NR2F1-AS1: variants seen among roughly 807,000 people sequenced by gnomAD.
NR2F1-AS1 encodes the protein NR2F1 antisense RNA 1.
At chr5:93,569,701 A>G (rs1752699867) in intron 1 of NR2F1-AS1, among the ~76,000 whole-genome samples, 1 of 152,232 alleles carries the variant, frequency 6.6e-6, no homozygotes, top group African/African-American at 2.4e-5. Context: ...GACTTCACCT[A>G]TGTTATTACC....
intron 4 of NR2F1-AS1, chr5:93,542,750 G>A (rs553966204): frequency 2.0e-5 from 3 of 152,290 alleles, no homozygotes; most frequent in African/African-American, 7.2e-5. Context: ...TTGCCTGTTG[G>A]CAAATTTAAG....
At chr5:93,444,768 C>T (rs1749658852) in intron 4 of NR2F1-AS1, among the ~76,000 whole-genome samples, 3 of 152,196 alleles carry the variant, frequency 2.0e-5, no homozygotes, top group Non-Finnish European at 4.4e-5. Flanking sequence ...CACCACATCG[C>T]ACTTATACCA....
chr5:93,417,781 CATGTACAAGAT>C (rs1259069628), intron 4 of NR2F1-AS1, among the ~76,000 whole-genome samples: 1 of 152,174 alleles, frequency 6.6e-6, no homozygotes, highest in Non-Finnish European at 1.5e-5. Context: ...GAGTGGGAAA[CATGTACAAGAT>C]ATGACAGTGA....
chr5:93,415,010 C>A (rs1238932533), intron 4 of NR2F1-AS1, among the ~76,000 whole-genome samples: 1 of 152,130 alleles, frequency 6.6e-6, no homozygotes, highest in East Asian at 1.9e-4. Flanking sequence ...CCAGGGGTAG[C>A]AGAGGTTATC....
chr5:93,548,238 T>C (rs564725989), intron 4 of NR2F1-AS1, among the ~76,000 whole-genome samples: 2 of 152,294 alleles, frequency 1.3e-5, no homozygotes, highest in African/African-American at 2.4e-5. Context: ...CCTAGCAATC[T>C]ATTTAATCAA....
chr5:93,504,705 C>A (rs1217953618), intron 4 of NR2F1-AS1, among the ~76,000 whole-genome samples: 4 of 152,076 alleles, frequency 2.6e-5, no homozygotes, highest in Non-Finnish European at 4.4e-5. Context: ...CCCTGATAAA[C>A]CCATCAGATC....
At chr5:93,550,305 G>A (rs1430898785) in intron 4 of NR2F1-AS1, among the ~76,000 whole-genome samples, 1 of 152,032 alleles carries the variant, frequency 6.6e-6, no homozygotes, top group Non-Finnish European at 1.5e-5. Context: ...TCGGTTTAAC[G>A]AATGGAAATA....
chr5:93,507,634 A>G (rs2149889167), intron 4 of NR2F1-AS1, among the ~76,000 whole-genome samples: 1 of 152,340 alleles, frequency 6.6e-6, no homozygotes, highest in East Asian at 1.9e-4. Context: ...CTGGGATTAC[A>G]GGCATGAAAC....
chr5:93,422,020 T>C (rs761407951), intron 4 of NR2F1-AS1, among the ~76,000 whole-genome samples: 9 of 152,180 alleles, frequency 5.9e-5, no homozygotes, highest in Non-Finnish European at 1.3e-4. Flanking sequence ...GATATCACAA[T>C]TCAAATCTAA....
upstream of NR2F1-AS1, among the ~76,000 whole-genome samples, chr5:93,582,109 C>A: frequency 7.3e-6 from 1 of 137,554 alleles, no homozygotes; most frequent in Non-Finnish European, 1.5e-5. Flanking sequence ...TTTTCTCTCT[C>A]CCTCTCCGCC....
chr5:93,582,415 T>C (rs1753124123), upstream of NR2F1-AS1, among the ~76,000 whole-genome samples: 1 of 152,142 alleles, frequency 6.6e-6, no homozygotes, highest in Non-Finnish European at 1.5e-5. Flanking sequence ...TTGTCATCAT[T>C]AAACCTTTTA....
intron 4 of NR2F1-AS1, among the ~76,000 whole-genome samples, chr5:93,551,022 C>G (rs1752214786): frequency 6.6e-6 from 1 of 150,720 alleles, no homozygotes; most frequent in Admixed American, 6.6e-5. Flanking sequence ...CATTTTTGAT[C>G]ACTGTTTCTC....
chr5:93,507,908 C>G (rs1751220151), intron 4 of NR2F1-AS1, among the ~76,000 whole-genome samples: 2 of 152,182 alleles, frequency 1.3e-5, no homozygotes, highest in South Asian at 4.1e-4. Context: ...TAGAATATAT[C>G]TAACAAAATC....
intron 4 of NR2F1-AS1, among the ~76,000 whole-genome samples, chr5:93,425,125 T>A (rs1749168339): frequency 6.6e-6 from 1 of 152,224 alleles, no homozygotes; most frequent in South Asian, 2.1e-4. Context: ...GTGAATGGGC[T>A]GGGCAGTTAG....
rs377042483 is a variant in NR2F1-AS1 at position 93,499,552 on chromosome 5, C to T, written n.638+54209G>A. 6.6e-5 allele frequency among the ~76,000 whole-genome samples: 10 copies of T among 152,188 alleles called. No individual in the cohort carries two copies. In the East Asian group the frequency reaches 1.9e-3, roughly 29 times the overall value. On this transcript the variant is annotated intron_variant and non_coding_transcript_variant, in intron 4 of 5. Coordinates refer to ENST00000660523, the Ensembl canonical transcript of NR2F1-AS1. ...CCCATAAGCAAACTTAATAAATGTA[C>T]ACATTCTGACTGCTCCACCAACCAG... is the stretch of plus-strand genomic sequence containing the variant.
At chr5:93,439,724 C>G (rs1046428131) in intron 4 of NR2F1-AS1, among the ~76,000 whole-genome samples, 1 of 152,182 alleles carries the variant, frequency 6.6e-6, no homozygotes, top group Non-Finnish European at 1.5e-5. Context: ...CTGCCTTGAA[C>G]AGATTTTCTT....
intron 4 of NR2F1-AS1, among the ~76,000 whole-genome samples, chr5:93,412,030 T>C (rs11951859): frequency 0.21 from 31,654 of 152,068 alleles, 5,115 homozygotes; most frequent in African/African-American, 0.46. Flanking sequence ...GAGGCACACA[T>C]GAAAACTTCA....
intron 4 of NR2F1-AS1, among the ~76,000 whole-genome samples, chr5:93,413,720 T>C (rs1317371815): frequency 2.0e-5 from 3 of 152,192 alleles, no homozygotes; most frequent in Admixed American, 6.5e-5. Flanking sequence ...AGAATCTAAG[T>C]GTCTTCTTAA....
intron 4 of NR2F1-AS1, among the ~76,000 whole-genome samples, chr5:93,544,235 A>G (rs1045951972): frequency 2.0e-5 from 3 of 152,222 alleles, no homozygotes; most frequent in African/African-American, 7.2e-5. Context: ...GGAAATTAAT[A>G]AAAGTGAAAA....
Sources: allele counts gnomAD v4.1 joint callset (sites outside exome capture counted in the v4.1 genomes callset), GRCh38; gene constraint gnomAD v4.1.1; transcripts MANE v1.5; gene names NCBI Gene and HGNC (gene_info 2026-07-23, HGNC 2026-07-21).